LIN28B: variants seen among roughly 807,000 people sequenced by gnomAD.
LIN28B encodes lin-28 RNA binding posttranscriptional regulator B, also known as protein lin-28 homolog B.
A neutral mutation model predicts 21.9 loss-of-function variants in LIN28B; 5 were observed. The observed-to-expected ratio is 0.23, with a 90% CI of 0.12 to 0.48. The LOEUF (loss-of-function observed/expected upper bound fraction) is 0.48. Among genes scored for constraint, LIN28B ranks in the 20% least tolerant of loss-of-function variants. The pLI, the probability that LIN28B is intolerant of heterozygous loss-of-function variation, is 0.98. For synonymous variants in LIN28B, 109 were observed against 111.3 expected (o/e 0.98, Z 0.13); for missense variants, 245 against 310.5 (o/e 0.79, Z 1.58).
intron 2 of LIN28B, among the ~76,000 whole-genome samples, chr6:104,989,675 C>T (rs899990745): frequency 2.5e-5 from 3 of 118,334 alleles, no homozygotes; most frequent in African/African-American, 5.3e-5. Context: ...CTCGCTGCAG[C>T]CTCTGCCTCG....
intron 1 of LIN28B, 128 bp from the exon 2 acceptor site, chr6:104,957,971 A>C: frequency 1.8e-6 from 1 of 540,652 alleles, no homozygotes; most frequent in Non-Finnish European, 3.2e-6. Context: ...AAATCAAACC[A>C]TTAAAAAAAA....
intron 3 of LIN28B, among the ~76,000 whole-genome samples, chr6:105,048,281 T>C (rs1771814666): frequency 6.6e-6 from 1 of 152,226 alleles, no homozygotes; most frequent in South Asian, 2.1e-4. Flanking sequence ...GATAATCATG[T>C]GGTTTTTGTC....
chr6:104,949,979 GC>G (rs1246999098), intron 2 of LIN28B, among the ~76,000 whole-genome samples: 1 of 151,974 alleles, frequency 6.6e-6, no homozygotes, highest in Non-Finnish European at 1.5e-5. Context: ...TCACTTGACT[GC>G]AACAGCCCCA....
chr6:105,050,876 CAA>C (rs983348421), intron 3 of LIN28B, among the ~76,000 whole-genome samples: 1 of 150,950 alleles, frequency 6.6e-6, no homozygotes, highest in African/African-American at 2.5e-5. Context: ...AAGTTCAAGA[CAA>C]GATATAAAAT....
intron 2 of LIN28B, among the ~76,000 whole-genome samples, chr6:105,013,624 A>C (rs893207773): frequency 6.6e-6 from 1 of 151,316 alleles, no homozygotes; most frequent in Admixed American, 6.6e-5. Flanking sequence ...CAGCTACTCG[A>C]GAGATTGAGG....
intron 2 of LIN28B, among the ~76,000 whole-genome samples, chr6:104,986,557 T>G (rs1770350095): frequency 1.3e-5 from 2 of 149,278 alleles, no homozygotes; most frequent in Admixed American, 6.7e-5. Flanking sequence ...AAAGTCTCTG[T>G]GGGGGTTTTG....
In LIN28B at chr6:105,016,814, C is replaced by T. The variant is rs528630953; in HGVS notation, c.199-9484C>T. On this transcript the variant is annotated intron_variant, in intron 2 of 3. Transcript: ENST00000345080. ...GCTCATGCCTGTAATCCCAGCCCTTCGCGAGGCTGAGTTGGGTGGATTGCT... is the reference window on the plus strand; with the variant it reads ...GCTCATGCCTGTAATCCCAGCCCTTTGCGAGGCTGAGTTGGGTGGATTGCT... Among the ~76,000 whole-genome samples, 6 of 152,026 alleles carry T rather than the reference C, an allele frequency of 3.9e-5. No individual in the cohort carries two copies. In the East Asian group the frequency reaches 1.2e-3, roughly 29 times the overall value.
Position 104,958,134 on chromosome 6 carries a change from A to C in LIN28B, c.46A>C (p.Lys16Gln). ...CAAAGGTGGTGGAGAAGAGCCCGGGAAGCTGCCGGAGCCGGCAGAGGAGGA... is the reference window on the plus strand; with the variant it reads ...CAAAGGTGGTGGAGAAGAGCCCGGGCAGCTGCCGGAGCCGGCAGAGGAGGA... The part of the protein sequence containing the change: ...ASKGGGEEPG[K>Q]LPEPAEEESQ... The change falls in exon 2 of 4, where the codon AAG becomes CAG. Residue 16 changes from lysine (K) to glutamine (Q), a missense_variant. By Grantham distance (53) the Lys-to-Gln change is moderately conservative. Transcript: ENST00000345080. 6.2e-7 allele frequency: 1 copy of C among 1,604,846 alleles called. No homozygotes were observed. The highest frequency in any genetic ancestry group is 1.7e-5 in the Admixed American group (1 of 59,864).
chr6:105,033,363 G>A (rs1771463425), intron 3 of LIN28B, among the ~76,000 whole-genome samples: 2 of 151,962 alleles, frequency 1.3e-5, no homozygotes, highest in South Asian at 2.1e-4. Context: ...TGTATATAAG[G>A]TAGAATCATA....
chr6:104,997,361 ATTG>A (rs1205330143), intron 2 of LIN28B, among the ~76,000 whole-genome samples: 2 of 151,748 alleles, frequency 1.3e-5, no homozygotes, highest in Non-Finnish European at 2.9e-5. Flanking sequence ...TTTTAATTTT[ATTG>A]TTATGATATA....
At chr6:104,973,742 C>A (rs1770026026) in intron 2 of LIN28B, among the ~76,000 whole-genome samples, 1 of 152,178 alleles carries the variant, frequency 6.6e-6, no homozygotes. Context: ...CTGGCTATTG[C>A]TGTCATGAAA....
At chr6:104,958,027 T>A in intron 1 of LIN28B, 72 bp from the exon 2 acceptor site, 1 of 1,142,800 alleles carries the variant, frequency 8.8e-7, no homozygotes, top group Non-Finnish European at 1.2e-6. Context: ...GGCAGGCAAT[T>A]TTTTTTTTTT....
At chr6:105,019,311 G>A (rs891286806) in intron 2 of LIN28B, among the ~76,000 whole-genome samples, 12 of 152,130 alleles carry the variant, frequency 7.9e-5, no homozygotes, top group African/African-American at 2.4e-4. Context: ...ACATGAATGA[G>A]GGATAGGAAT....
intron 2 of LIN28B, among the ~76,000 whole-genome samples, chr6:104,942,652 G>T (rs1430040515): frequency 1.3e-5 from 2 of 152,046 alleles, no homozygotes; most frequent in African/African-American, 2.4e-5. Flanking sequence ...CTTAGGGAAG[G>T]TTCTTGCCTG....
intron 2 of LIN28B, among the ~76,000 whole-genome samples, chr6:104,992,192 C>T (rs767628764): frequency 1.9e-4 from 29 of 152,086 alleles, no homozygotes; most frequent in South Asian, 6.2e-4. Context: ...TCCCAAGTAG[C>T]TGGGATTACA....
At chr6:104,987,364 C>T (rs985317584) in intron 2 of LIN28B, among the ~76,000 whole-genome samples, 3 of 152,072 alleles carry the variant, frequency 2.0e-5, no homozygotes, top group Non-Finnish European at 2.9e-5. Flanking sequence ...GCACTTATTT[C>T]TGGTGGGGAT....
chr6:105,052,397 C>T (rs1771925706), intron 3 of LIN28B, among the ~76,000 whole-genome samples: 1 of 152,024 alleles, frequency 6.6e-6, no homozygotes, highest in Non-Finnish European at 1.5e-5. Context: ...GATCAAGGGG[C>T]AGGCATCTGG....
intron 2 of LIN28B, among the ~76,000 whole-genome samples, chr6:105,023,777 T>G (rs566184345): frequency 4.2e-5 from 6 of 144,168 alleles, no homozygotes; most frequent in African/African-American, 1.5e-4. Flanking sequence ...CAGCTAGAAT[T>G]TATTAGTTTG....
intron 3 of LIN28B, among the ~76,000 whole-genome samples, chr6:105,033,305 C>A (rs1397898295): frequency 1.3e-5 from 2 of 151,730 alleles, no homozygotes; most frequent in Non-Finnish European, 2.9e-5. Context: ...TAACAAATTC[C>A]AAATATGATT....
Sources: allele counts gnomAD v4.1 joint callset (sites outside exome capture counted in the v4.1 genomes callset), GRCh38; gene constraint gnomAD v4.1.1; transcripts MANE v1.5; gene names NCBI Gene and HGNC (gene_info 2026-07-23, HGNC 2026-07-21).